BICC1: variants seen among roughly 807,000 people sequenced by gnomAD.
BICC1 encodes BicC family RNA binding protein 1.
A neutral mutation model predicts 111.0 loss-of-function variants in BICC1; 43 were observed. The observed-to-expected ratio is 0.39, with a 90% confidence interval of 0.30 to 0.50. The LOEUF (loss-of-function observed/expected upper bound fraction) is 0.50. Ranked by LOEUF, BICC1 falls within the 20% of genes least tolerant of loss-of-function variation. The probability of loss-of-function intolerance (pLI) is 0.88; values close to 1 mark genes in which losing one functional copy is unlikely to be tolerated. For missense variants in BICC1, 1,091 were observed against 1,203.2 expected (o/e 0.91, Z 1.38); for synonymous variants, 467 against 434.4 (o/e 1.07, Z -0.93).
At chr10:58,640,267 A>G (rs867584379) in intron 2 of BICC1, among the ~76,000 whole-genome samples, 3 of 152,150 alleles carry the variant, frequency 2.0e-5, no homozygotes, top group African/African-American at 7.2e-5. Flanking sequence ...CGAGCATTTT[A>G]TTTGCTATTT....
chr10:58,828,775 C>T lies in BICC1; in HGVS notation c.2809C>T (p.Arg937Ter), dbSNP rs201753164. ...TCTCTCTCTAGAACTAAATAAAAACCGAAGAAAGCTTTTTGAATCGCCAAA... is the reference window on the plus strand; with the variant it reads ...TCTCTCTCTAGAACTAAATAAAAACTGAAGAAAGCTTTTTGAATCGCCAAA... ...LLAISELNKN[R>*]RKLFESPNAR... The change falls in exon 21 of 21, where the codon CGA (arginine) becomes TGA (stop). Residue 937 changes from arginine (R) to a stop codon, truncating the protein, a stop_gained. Coordinates refer to ENST00000373886, the MANE Select transcript of BICC1 (RefSeq NM_001080512.3). LOFTEE classifies it high-confidence loss of function. The T allele has an allele frequency of 1.5e-5, 25 of 1,613,350 alleles. No individual in the cohort carries two copies. The highest frequency in any genetic ancestry group is 1.0e-4 in the Admixed American group (6 of 59,966).
intron 3 of BICC1, among the ~76,000 whole-genome samples, chr10:58,731,029 G>T (rs759778430): frequency 1.3e-5 from 2 of 152,168 alleles, no homozygotes; most frequent in African/African-American, 2.4e-5. Flanking sequence ...TTTTAAATAA[G>T]AGTACCAGTT....
Position 58,756,626 on chromosome 10 carries a change from C to CTTTT in BICC1, c.308-28346_308-28343dup, listed in dbSNP as rs66709538. Among the ~76,000 whole-genome samples the CTTTT allele has an allele frequency of 3.7e-4, 50 of 135,902 alleles. 2 individuals are homozygous for CTTTT. Among genetic ancestry groups the CTTTT allele is most frequent in the African/African-American group, 9.5e-4 (32 of 33,766 alleles). The allele number at this position is 135,902 out of a possible 152,430, so 89.2% of individuals were successfully genotyped here. ...CCAGGACCCTTTAGCAACTACTAGC[C>CTTTT]TTTTTTTTTTTTTTTTTTTTTTTTT... On this transcript the variant is annotated intron_variant, in intron 3 of 20. Coordinates refer to ENST00000373886, the MANE Select transcript of BICC1 (RefSeq NM_001080512.3).
intron 2 of BICC1, among the ~76,000 whole-genome samples, chr10:58,676,739 G>A (rs1021964133): frequency 1.5e-4 from 23 of 152,172 alleles, no homozygotes; most frequent in Middle Eastern, 6.3e-3. Context: ...TGACCCCCCC[G>A]TGCCTCCTGA....
At chr10:58,680,190 A>C (rs1839473919) in intron 2 of BICC1, among the ~76,000 whole-genome samples, 1 of 152,246 alleles carries the variant, frequency 6.6e-6, no homozygotes, top group Admixed American at 6.5e-5. Context: ...ATCAGGCAAG[A>C]GAAAGAAATA....
intron 1 of BICC1, among the ~76,000 whole-genome samples, chr10:58,542,167 CAAA>C (rs796757686): frequency 2.2e-5 from 2 of 91,518 alleles, no homozygotes; most frequent in African/African-American, 7.3e-5. Context: ...AAAAAAAAAA[CAAA>C]AAAAAAAACC....
chr10:58,734,389 T>C (rs1453229977), intron 3 of BICC1, among the ~76,000 whole-genome samples: 1 of 152,254 alleles, frequency 6.6e-6, no homozygotes, highest in African/African-American at 2.4e-5. Context: ...CCTGAAATGC[T>C]GACATGGTTG....
intron 3 of BICC1, among the ~76,000 whole-genome samples, chr10:58,726,212 A>C (rs941841327): frequency 2.6e-5 from 4 of 152,208 alleles, no homozygotes; most frequent in Admixed American, 6.5e-5. Context: ...TTTCATTCAG[A>C]TAAGACTACC....
chr10:58,520,985 G>A (rs1842372406), intron 1 of BICC1, among the ~76,000 whole-genome samples: 1 of 152,036 alleles, frequency 6.6e-6, no homozygotes, highest in African/African-American at 2.4e-5. Flanking sequence ...ACCCTTCTGT[G>A]ACTTAAATTC....
chr10:58,708,467 A>G (rs1372074555), intron 3 of BICC1, among the ~76,000 whole-genome samples: 1 of 152,218 alleles, frequency 6.6e-6, no homozygotes, highest in Non-Finnish European at 1.5e-5. Flanking sequence ...GAGTGAGGTT[A>G]AGAGCAGAGG....
At chr10:58,637,038 T>C (rs1588956425) in intron 2 of BICC1, among the ~76,000 whole-genome samples, 1 of 152,188 alleles carries the variant, frequency 6.6e-6, no homozygotes, top group East Asian at 1.9e-4. Context: ...AGTTCTATAA[T>C]ATTTTTGGCA....
intron 1 of BICC1, among the ~76,000 whole-genome samples, chr10:58,613,175 G>C (rs536555371): frequency 1.5e-4 from 23 of 152,306 alleles, no homozygotes; most frequent in South Asian, 6.2e-4. Flanking sequence ...TAGTATTGAA[G>C]TAATTTATTC....
At chr10:58,808,820 A>G (rs955324044) in intron 17 of BICC1, among the ~76,000 whole-genome samples, 6 of 151,582 alleles carry the variant, frequency 4.0e-5, no homozygotes, top group African/African-American at 9.7e-5. Context: ...GGTTCAGGCA[A>G]TTCTCCCATC....
chr10:58,829,091 A>C lies in BICC1; in HGVS notation c.*200A>C. On this transcript the variant is annotated 3_prime_UTR_variant, in exon 21 of 21. Coordinates refer to ENST00000373886, the MANE Select transcript of BICC1 (RefSeq NM_001080512.3). ...TATGATGTCATACAGAACACCAAAT[A>C]TGGATTACTTTTTTAAAATGGCAGT... 1 of 489,340 alleles carries C rather than the reference A, an allele frequency of 2.0e-6. No homozygotes were observed. Among genetic ancestry groups the C allele is most frequent in the Non-Finnish European group, 3.4e-6 (1 of 292,918 alleles). 30.3% of individuals were successfully genotyped at this position (489,340 alleles called of 1,614,324 possible).
At chr10:58,526,012 A>G (rs1258900932) in intron 1 of BICC1, among the ~76,000 whole-genome samples, 1 of 151,472 alleles carries the variant, frequency 6.6e-6, no homozygotes, top group Non-Finnish European at 1.5e-5. Context: ...TCGTGACTGT[A>G]TTCTGAGGAA....
Position 58,597,032 on chromosome 10 carries a change from A to G in BICC1, c.191-23823A>G, listed in dbSNP as rs573029640. ...CCCATCAAGCTACCACTGACTTTCC[A>G]TACAAAATTGGAAAAATCTACATAA... On this transcript the variant is annotated intron_variant, in intron 1 of 20. Coordinates refer to ENST00000373886, the MANE Select transcript of BICC1 (RefSeq NM_001080512.3). 1.5e-3 allele frequency among the ~76,000 whole-genome samples: 224 copies of G among 152,272 alleles called. 1 individual carries two copies. The highest frequency in any genetic ancestry group is 4.9e-3 in the African/African-American group (204 of 41,576).
At chr10:58,669,345 A>G (rs11815125) in intron 2 of BICC1, among the ~76,000 whole-genome samples, 5,174 of 152,156 alleles carry the variant, frequency 0.034, 112 homozygotes, top group Middle Eastern at 0.075. Context: ...AATAAACTCT[A>G]TGTATTGGTT....
chr10:58,690,715 A>G (rs77668337), intron 2 of BICC1, among the ~76,000 whole-genome samples: 151 of 152,202 alleles, frequency 9.9e-4, no homozygotes, highest in East Asian at 9.5e-3. Context: ...GATCTCAGTT[A>G]TTGTGCTGAT....
At chr10:58,824,435 G>GTC (rs2132986594) in intron 20 of BICC1, among the ~76,000 whole-genome samples, 1 of 152,278 alleles carries the variant, frequency 6.6e-6, no homozygotes, top group Non-Finnish European at 1.5e-5. Flanking sequence ...AAAGAGAGAT[G>GTC]TCTCCAGTGT....
Sources: allele counts gnomAD v4.1 joint callset (sites outside exome capture counted in the v4.1 genomes callset), GRCh38; gene constraint gnomAD v4.1.1; transcripts MANE v1.5; gene names NCBI Gene and HGNC (gene_info 2026-07-23, HGNC 2026-07-21).